Variants in MAST2 observed in about 807,000 individuals in gnomAD.
MAST2 encodes the protein microtubule-associated serine/threonine-protein kinase 2.
MAST2 carries 70 observed loss-of-function variants against 147.4 expected under a neutral mutation model. The ratio of observed to expected loss-of-function variants is 0.47; its 90% confidence interval spans 0.39 to 0.58. The LOEUF (loss-of-function observed/expected upper bound fraction) is 0.58. Ranked by LOEUF, MAST2 falls within the 20% of genes least tolerant of loss-of-function variation. The probability of loss-of-function intolerance (pLI) is 0.00; values close to 1 mark genes in which losing one functional copy is unlikely to be tolerated. For synonymous variants in MAST2, 869 were observed against 896.8 expected, an observed-to-expected ratio of 0.97 and a Z score of 0.55; for missense variants, 2,080 against 2,302.3, an observed-to-expected ratio of 0.90 and a Z score of 1.98.
chr1:45,826,951 C>T, intron 2 of MAST2, among the ~76,000 whole-genome samples: 1 of 152,042 alleles, frequency 6.6e-6, no homozygotes, highest in East Asian at 1.9e-4. Flanking sequence ...GCCTCAGCCT[C>T]CCAAGTAGCT....
intron 4 of MAST2, among the ~76,000 whole-genome samples, chr1:45,925,089 C>G (rs950870362): frequency 6.6e-6 from 1 of 152,080 alleles, no homozygotes; most frequent in Admixed American, 6.5e-5. Flanking sequence ...AAACAGTGTC[C>G]CCTTGCATCA....
Position 46,035,008 on chromosome 1 carries a change from A to T in MAST2, c.4339A>T (p.Ser1447Cys). The change falls in exon 29 of 29, where the codon AGC becomes TGC. Residue 1447 changes from serine (S) to cysteine (C), a missense_variant. Physicochemically the swap from Ser to Cys is moderately radical, Grantham distance 112 (BLOSUM62 -1). This residue lies in a region of MAST2 where 1,278 missense variants were observed against 1,304.2 expected (regional missense o/e 0.98). Transcript: ENST00000361297. This position sits in a 1 kb window ranked among gnomAD's most constrained non-coding sequence, Gnocchi z 5.5. ...LKKELPPREV[S>C]PLEVVGARSV... is the part of the protein sequence containing the mutation. ...GAAGGAACTGCCGCCCAGGGAAGTG[A>T]GCCCTCTGGAGGTAGTTGGAGCCAG... 6.2e-7 allele frequency: 1 copy of T among 1,614,000 alleles called. No homozygotes were observed. Among genetic ancestry groups the T allele is most frequent in the East Asian group, 2.2e-5 (1 of 44,884 alleles).
intron 3 of MAST2, among the ~76,000 whole-genome samples, chr1:45,858,803 A>T (rs1645880962): frequency 1.3e-5 from 2 of 151,772 alleles, no homozygotes; most frequent in African/African-American, 4.8e-5. Flanking sequence ...AGGTGTAAGG[A>T]AGGGATCCAG....
intron 3 of MAST2, among the ~76,000 whole-genome samples, chr1:45,878,489 T>A (rs1480950565): frequency 6.6e-6 from 1 of 152,136 alleles, no homozygotes; most frequent in Non-Finnish European, 1.5e-5. Context: ...TAAGATCAGA[T>A]GAGAAGCAAG....
chr1:45,916,877 G>A (rs933125170), intron 4 of MAST2, among the ~76,000 whole-genome samples: 1 of 152,096 alleles, frequency 6.6e-6, no homozygotes, highest in Non-Finnish European at 1.5e-5. Flanking sequence ...TCAGGAGTTC[G>A]AGACCAGACT....
chr1:45,867,144 C>G (rs1341217402), intron 3 of MAST2, among the ~76,000 whole-genome samples: 6 of 152,086 alleles, frequency 3.9e-5, no homozygotes, highest in Non-Finnish European at 8.8e-5. Flanking sequence ...TGAAAAGCAG[C>G]AGTTTAGATT....
Position 45,917,675 on chromosome 1 carries a change from G to C in MAST2, c.500+35280G>C, listed in dbSNP as rs752197905. ...AGAGAAGAGTAAAATAAATATCACA[G>C]ATTTCTGTTGTATTCAAAATGTCAG... On this transcript the variant is annotated intron_variant, in intron 4 of 28. Coordinates refer to ENST00000361297, the MANE Select transcript of MAST2 (RefSeq NM_015112.3). 1.3e-4 allele frequency: 73 copies of C among 562,544 alleles called. No individual in the cohort carries two copies. The East Asian group carries it at 4.3e-3, about 33-fold the overall frequency. The allele number at this position is 562,544 out of a possible 1,614,324, so 34.8% of individuals were successfully genotyped here.
At chr1:45,879,679 A>G (rs571888458) in intron 3 of MAST2, among the ~76,000 whole-genome samples, 1 of 152,190 alleles carries the variant, frequency 6.6e-6, no homozygotes. Context: ...TTAGAAGATT[A>G]TGAAGAGCTC....
intron 3 of MAST2, chr1:45,864,994 G>A: frequency 5.0e-6 from 2 of 400,218 alleles, no homozygotes; most frequent in Non-Finnish European, 9.8e-6. Flanking sequence ...TAGTGGAACA[G>A]TGGGTTAGTG....
chr1:46,002,306 C>T (rs1301672597), intron 6 of MAST2, among the ~76,000 whole-genome samples: 8 of 152,156 alleles, frequency 5.3e-5, no homozygotes, highest in Non-Finnish European at 1.2e-4. Context: ...TCCTAGGCAG[C>T]CTATAACTGT....
Position 45,882,486 on chromosome 1 carries a change from G to A in MAST2, c.500+91G>A, listed in dbSNP as rs191840107. 2.3e-4 allele frequency: 227 copies of A among 994,294 alleles called. 2 individuals carry two copies. The highest frequency in any genetic ancestry group is 3.3e-4 in the Admixed American group (16 of 48,634). The allele number at this position is 994,294 out of a possible 1,614,324, so 61.6% of individuals were successfully genotyped here. On this transcript the variant is annotated intron_variant, in intron 4 of 28. Transcript: ENST00000361297. ...TCCCACTATCATGTGGAGGAATCCCGCTCAGTACACAATTTCTTTCTGTGT... is the reference window on the plus strand; with the variant it reads ...TCCCACTATCATGTGGAGGAATCCCACTCAGTACACAATTTCTTTCTGTGT...
intron 4 of MAST2, among the ~76,000 whole-genome samples, chr1:45,911,572 T>C (rs867710193): frequency 2.0e-5 from 3 of 152,154 alleles, no homozygotes; most frequent in African/African-American, 4.8e-5. Flanking sequence ...CCAACTTGGC[T>C]GAAGACACTT....
chr1:45,837,089 C>T (rs1645125866), intron 3 of MAST2, among the ~76,000 whole-genome samples: 1 of 152,130 alleles, frequency 6.6e-6, no homozygotes, highest in Admixed American at 6.5e-5. Flanking sequence ...TAATGCTCAC[C>T]CTCATACAGC....
intron 9 of MAST2, among the ~76,000 whole-genome samples, chr1:46,009,358 C>G (rs1645621297): frequency 6.6e-6 from 1 of 152,132 alleles, no homozygotes; most frequent in Non-Finnish European, 1.5e-5. Context: ...GTACCTGGCC[C>G]CATTTGCATG....
chr1:45,903,126 C>CTTTTT (rs34621764), intron 4 of MAST2, among the ~76,000 whole-genome samples: 7,916 of 79,142 alleles, frequency 0.1, 724 homozygotes, highest in Non-Finnish European at 0.11. Context: ...AAATTTTTGT[C>CTTTTT]TTTTTTTTTT....
chr1:45,819,307 G>T (rs1644550331), intron 1 of MAST2, among the ~76,000 whole-genome samples: 1 of 150,984 alleles, frequency 6.6e-6, no homozygotes, highest in Admixed American at 6.6e-5. Context: ...TTCTAATCAT[G>T]CAAACCACCG....
chr1:45,812,059 C>T (rs1436707739), intron 1 of MAST2, among the ~76,000 whole-genome samples: 3 of 152,174 alleles, frequency 2.0e-5, no homozygotes, highest in East Asian at 3.9e-4. Context: ...TGTGAGCCAC[C>T]GCGCGCGGCA....
At chr1:45,831,681 C>A (rs1321183920) in intron 3 of MAST2, among the ~76,000 whole-genome samples, 3 of 152,044 alleles carry the variant, frequency 2.0e-5, no homozygotes, top group African/African-American at 7.2e-5. Context: ...AAGCAAGTCA[C>A]AGACTAATTA....
intron 5 of MAST2, among the ~76,000 whole-genome samples, chr1:45,994,488 C>T (rs1167407976): frequency 6.6e-6 from 1 of 151,746 alleles, no homozygotes; most frequent in Non-Finnish European, 1.5e-5. Flanking sequence ...GATTTTGCCA[C>T]GTTGGCCAGG....
Sources: allele counts gnomAD v4.1 joint callset (sites outside exome capture counted in the v4.1 genomes callset), GRCh38; gene constraint gnomAD v4.1.1; regional missense constraint gnomAD v4.1.1; non-coding constraint Gnocchi (gnomAD v3.1); transcripts MANE v1.5; gene names NCBI Gene and HGNC (gene_info 2026-07-23, HGNC 2026-07-21).